CLNK: variants seen among roughly 807,000 people sequenced by gnomAD.
CLNK encodes the protein cytokine dependent hematopoietic cell linker, also known as cytokine-dependent hematopoietic cell linker.
In CLNK, 74 loss-of-function variants were observed where a neutral mutation model predicts 68.6. That is an observed-to-expected ratio of 1.08 (90% CI 0.89 to 1.31). The LOEUF (loss-of-function observed/expected upper bound fraction) is 1.31, where lower values mean the gene tolerates loss of function less well. Among genes scored for constraint, CLNK ranks in the 50% most tolerant of loss-of-function variants. CLNK has a pLI of 0.00. For missense variants in CLNK, 553 were observed against 515.3 expected (o/e 1.07, Z -0.71); for synonymous variants, 198 against 172.2 (o/e 1.15, Z -1.17).
rs925497644 is a variant in CLNK at position 10,546,400 on chromosome 4, A to T, written c.446-4120T>A. ...TTGGCCTTCCTCAAAACCCTCAGGC[A>T]TAGAGACAATTCATTCAAGTTCTTT... On this transcript the variant is annotated intron_variant, in intron 8 of 18. Coordinates refer to ENST00000226951, the MANE Select transcript of CLNK (RefSeq NM_052964.4). Among the ~76,000 whole-genome samples the T allele has an allele frequency of 3.3e-5, 5 of 152,236 alleles. No homozygotes were observed. The South Asian group carries it at 1.0e-3, about 31-fold the overall frequency.
chr4:10,666,687 C>A (rs1274598160), intron 2 of CLNK, among the ~76,000 whole-genome samples: 1 of 152,352 alleles, frequency 6.6e-6, no homozygotes, highest in East Asian at 1.9e-4. Flanking sequence ...GAGGTCACAA[C>A]TCCTGGCAAA....
chr4:10,651,608 A>C (rs1723738015), intron 2 of CLNK, among the ~76,000 whole-genome samples: 1 of 152,200 alleles, frequency 6.6e-6, no homozygotes, highest in African/African-American at 2.4e-5. Context: ...AAAATAAATA[A>C]ATAAAATAAA....
At chr4:10,519,253 T>A (rs956366637) in intron 15 of CLNK, among the ~76,000 whole-genome samples, 1 of 152,220 alleles carries the variant, frequency 6.6e-6, no homozygotes, top group Non-Finnish European at 1.5e-5. Context: ...ACTGGACTCA[T>A]ATCTGTGAAG....
At chr4:10,689,820 A>T in the CLNK span, among the ~76,000 whole-genome samples, 1 of 134,102 alleles carries the variant, frequency 7.5e-6, no homozygotes. Flanking sequence ...GATTTATTAC[A>T]GTTTAGCACC....
intron 5 of CLNK, among the ~76,000 whole-genome samples, chr4:10,568,832 C>A (rs1360160864): frequency 6.6e-6 from 1 of 152,152 alleles, no homozygotes; most frequent in Non-Finnish European, 1.5e-5. Context: ...CATGCTGTGC[C>A]CAGACTTCTG....
At chr4:10,520,594 A>G (rs541593389) in intron 15 of CLNK, among the ~76,000 whole-genome samples, 197 bp downstream of exon 15, 8 of 152,356 alleles carry the variant, frequency 5.3e-5, no homozygotes, top group African/African-American at 1.9e-4. Flanking sequence ...ACAAGAGGAA[A>G]AACTAGAAAC....
At chr4:10,629,764 G>T (rs1013835673) in intron 2 of CLNK, among the ~76,000 whole-genome samples, 5 of 152,114 alleles carry the variant, frequency 3.3e-5, no homozygotes, top group Non-Finnish European at 7.4e-5. Flanking sequence ...AGGGGGGAAG[G>T]CAGTGTGAAG....
intron 4 of CLNK, among the ~76,000 whole-genome samples, chr4:10,572,413 G>T (rs1389084221): frequency 6.6e-6 from 1 of 152,126 alleles, no homozygotes; most frequent in Non-Finnish European, 1.5e-5. Flanking sequence ...ATTGCCTGGG[G>T]TCATTGAGCC....
intron 2 of CLNK, among the ~76,000 whole-genome samples, chr4:10,624,449 C>T (rs1273984408): frequency 1.3e-5 from 2 of 152,150 alleles, no homozygotes. Flanking sequence ...CCCGCCACCA[C>T]GCCCGGCTAA....
intron 2 of CLNK, among the ~76,000 whole-genome samples, chr4:10,610,804 ACACACACACACAC>A (rs2108853876): frequency 6.6e-6 from 1 of 151,070 alleles, no homozygotes; most frequent in Non-Finnish European, 1.5e-5. Flanking sequence ...ACACACACAC[ACACACACACACAC>A]ACGTATGAAT....
the CLNK span, among the ~76,000 whole-genome samples, chr4:10,702,445 A>T: frequency 6.6e-6 from 1 of 152,126 alleles, no homozygotes; most frequent in Non-Finnish European, 1.5e-5. Context: ...TATTTTGGAT[A>T]TTTAGGACTG....
Position 10,513,560 on chromosome 4 carries a change from T to G in CLNK, c.810A>C (p.Arg270Ser). The G allele has an allele frequency of 6.2e-7, 1 of 1,607,914 alleles. No individual in the cohort carries two copies. Among genetic ancestry groups the G allele is most frequent in the Non-Finnish European group, 8.5e-7 (1 of 1,176,936 alleles). ...GGCTGCAGCTGGCTGGAGGCTGGCA[T>G]CTCTGAGGAGAACAGGGCTGCATGC... ...RGGMQPCSPQ[R>S]CQPPASCSPH... Residue 270 changes from arginine (R) to serine (S), a missense_variant, in exon 16 of 19, where the codon AGA (arginine) becomes AGC (serine). Physicochemically the swap from Arg to Ser is moderately radical, Grantham distance 110. Coordinates refer to ENST00000226951, the MANE Select transcript of CLNK (RefSeq NM_052964.4).
chr4:10,679,676 A>G (rs1479926633), intron 1 of CLNK, among the ~76,000 whole-genome samples: 4 of 152,234 alleles, frequency 2.6e-5, no homozygotes, highest in African/African-American at 9.6e-5. Context: ...CAAGAAAAAA[A>G]ACAAACAACC....
At chr4:10,530,838 G>T (rs2108802429) in intron 12 of CLNK, among the ~76,000 whole-genome samples, 1 of 152,294 alleles carries the variant, frequency 6.6e-6, no homozygotes, top group South Asian at 2.1e-4. Flanking sequence ...CATCACCCCA[G>T]CCTGCTCCTT....
chr4:10,612,657 C>T (rs761297925), intron 2 of CLNK, among the ~76,000 whole-genome samples: 2 of 152,196 alleles, frequency 1.3e-5, no homozygotes, highest in Non-Finnish European at 2.9e-5. Context: ...GGCTTATCTA[C>T]TGCCCTTGGT....
chr4:10,505,219 T>C lies in CLNK; in HGVS notation c.984+2740A>G, dbSNP rs568386489. ...ATTCCCTGGAAAGAGGATAGGAAGGTCCTCAAGGAGCTGCATCAGCCAACC... is the reference window on the plus strand; with the variant it reads ...ATTCCCTGGAAAGAGGATAGGAAGGCCCTCAAGGAGCTGCATCAGCCAACC... On this transcript the variant is annotated intron_variant, in intron 17 of 18. Transcript: ENST00000226951. 3.9e-5 allele frequency among the ~76,000 whole-genome samples: 6 copies of C among 152,236 alleles called. No individual in the cohort carries two copies. The East Asian group carries it at 1.2e-3, about 29-fold the overall frequency.
intron 2 of CLNK, among the ~76,000 whole-genome samples, chr4:10,630,216 C>A (rs914016129): frequency 6.6e-6 from 1 of 152,164 alleles, no homozygotes; most frequent in Non-Finnish European, 1.5e-5. Flanking sequence ...TTTGTTTATT[C>A]CTGAGCCTGA....
At chr4:10,660,230 A>T (rs772469606) in intron 2 of CLNK, among the ~76,000 whole-genome samples, 2 of 152,164 alleles carry the variant, frequency 1.3e-5, no homozygotes, top group African/African-American at 4.8e-5. Context: ...TGTTAATTGA[A>T]TTTGTCAAAT....
At chr4:10,656,547 T>G (rs972737230) in intron 2 of CLNK, 1 of 152,114 alleles carries the variant, frequency 6.6e-6, no homozygotes, top group African/African-American at 2.4e-5. Flanking sequence ...ATGGAAGGAC[T>G]GGCATGACTT....
Sources: gnomAD v4.1 joint callset for allele counts (sites outside exome capture counted in the v4.1 genomes callset) on GRCh38, gnomAD v4.1.1 for gene constraint, MANE v1.5 for transcripts, NCBI Gene and HGNC (gene_info 2026-07-23, HGNC 2026-07-21) for gene names.